Variants in MOV10L1 observed in about 807,000 individuals in gnomAD.
MOV10L1 encodes the protein Mov10 like RNA helicase 1, also known as RNA helicase Mov10l1.
In MOV10L1, 110 loss-of-function variants were observed where a neutral mutation model predicts 143.8. The ratio of observed to expected loss-of-function variants is 0.76; its 90% CI spans 0.66 to 0.90. The LOEUF (loss-of-function observed/expected upper bound fraction) is 0.90. MOV10L1 is among the 40% of genes least tolerant of loss of function. The pLI, the probability that MOV10L1 is intolerant of heterozygous loss-of-function variation, is 0.00. For missense variants in MOV10L1, 1,406 were observed against 1,526.8 expected (o/e 0.92, Z 1.32); for synonymous variants, 593 against 581.1 (o/e 1.02, Z -0.29).
chr22:50,103,207 G>A (rs149775681), intron 3 of MOV10L1, among the ~76,000 whole-genome samples: 2 of 152,350 alleles, frequency 1.3e-5, no homozygotes, highest in South Asian at 2.1e-4. Flanking sequence ...GCTGGGGCAC[G>A]TGACTGGAGG....
chr22:50,090,145 T>G lies in MOV10L1; in HGVS notation c.57T>G (p.Pro19=). ...TCTTCTGGAGGACGGCGGACACCCC[T>G]AGGGAGGAAGCCGGGCAGCTGGAGC... ...VAFFWRTADT[P]REEAGQLEPE... Residue 19 remains proline (P), a synonymous_variant, in exon 1 of 27, where the codon CCT becomes CCG. Coordinates refer to ENST00000262794, the MANE Select transcript of MOV10L1 (RefSeq NM_018995.3). 7.0e-7 allele frequency: 1 copy of G among 1,424,112 alleles called. No homozygotes were observed. Among genetic ancestry groups the G allele is most frequent in the Admixed American group, 3.2e-5 (1 of 31,744 alleles). 88.2% of individuals were successfully genotyped at this position (1,424,112 alleles called of 1,614,324 possible).
At chr22:50,091,906 A>G in intron 1 of MOV10L1, 95 bp from the exon 2 acceptor site, 1 of 1,230,814 alleles carries the variant, frequency 8.1e-7, no homozygotes, top group Admixed American at 2.4e-5. Context: ...CTGCAAAAAA[A>G]GGAGGCTTTT....
In MOV10L1 at chr22:50,099,283, G is replaced by A. The variant is rs151276464; in HGVS notation, c.283-160G>A. On this transcript the variant is annotated intron_variant, in intron 2 of 26. Transcript: ENST00000262794. The stretch of plus-strand genomic sequence containing the variant: ...TGTGAGGACACAGCAGGAAGACACC[G>A]ACGGTATACCAGGAAGAAGGCCCTC... Among the ~76,000 whole-genome samples, 827 of 152,320 alleles carry A rather than the reference G, an allele frequency of 5.4e-3. 2 individuals carry two copies. The highest frequency in any genetic ancestry group is 9.2e-3 in the Non-Finnish European group (624 of 68,028).
intron 19 of MOV10L1, among the ~76,000 whole-genome samples, chr22:50,148,263 C>T (rs1251762107): frequency 6.6e-6 from 1 of 152,218 alleles, no homozygotes; most frequent in Non-Finnish European, 1.5e-5. Flanking sequence ...CCCACTGAGG[C>T]CTCCTGACCA....
intron 13 of MOV10L1, among the ~76,000 whole-genome samples, chr22:50,130,873 A>G (rs1325264155): frequency 6.6e-6 from 1 of 152,062 alleles, no homozygotes; most frequent in Non-Finnish European, 1.5e-5. Context: ...TATTTTTCTA[A>G]TGACTAATGA....
At chr22:50,118,998 C>A (rs2062259523) in intron 9 of MOV10L1, among the ~76,000 whole-genome samples, 1 of 152,064 alleles carries the variant, frequency 6.6e-6, no homozygotes, top group Admixed American at 6.5e-5. Flanking sequence ...CAGGAAAGTC[C>A]CTCGGCTGCC....
Position 50,159,909 on chromosome 22 carries a change from G to C in MOV10L1, c.3324+124G>C. On this transcript the variant is annotated intron_variant, in intron 24 of 26. Coordinates refer to ENST00000262794, the MANE Select transcript of MOV10L1 (RefSeq NM_018995.3). This position sits in a 1 kb window ranked among gnomAD's most constrained non-coding sequence, Gnocchi z 4.1. ...GCCCAGAGAAGCAGCTGCAGGCGGA[G>C]ACTCCCTAGGTCCAGGAGCCATTGT... 1 of 649,380 alleles carries C rather than the reference G, an allele frequency of 1.5e-6. No individual in the cohort carries two copies. The highest frequency in any genetic ancestry group is 2.7e-6 in the Non-Finnish European group (1 of 370,048). 40.2% of individuals were successfully genotyped at this position (649,380 alleles called of 1,614,324 possible). A position where few individuals can be genotyped will look rare whatever the true frequency, so the allele number is the denominator to read the frequency against.
chr22:50,101,407 G>A (rs922327051), intron 3 of MOV10L1, among the ~76,000 whole-genome samples: 1 of 151,952 alleles, frequency 6.6e-6, no homozygotes, highest in East Asian at 1.9e-4. Flanking sequence ...AGTAGAGACG[G>A]GGTTTCAATG....
At chr22:50,109,684 A>G in intron 5 of MOV10L1, 1 of 229,456 alleles carries the variant, frequency 4.4e-6, no homozygotes, top group South Asian at 5.3e-5. Flanking sequence ...AAAAAAAAAA[A>G]AAAAAAAATT....
intron 2 of MOV10L1, 138 bp downstream of exon 2, chr22:50,092,323 C>G: frequency 1.3e-6 from 1 of 766,406 alleles, no homozygotes; most frequent in Non-Finnish European, 2.1e-6. Flanking sequence ...TGCTTTTGCT[C>G]TTTATGATTT....
At chr22:50,140,748 A>G (rs2062961378) in intron 15 of MOV10L1, among the ~76,000 whole-genome samples, 1 of 151,390 alleles carries the variant, frequency 6.6e-6, no homozygotes, top group African/African-American at 2.4e-5. Context: ...TTTGAGACAG[A>G]GTCTTCCTCT....
Position 50,158,234 on chromosome 22 carries a change from C to A in MOV10L1, c.3216+28C>A. ...ACGCCCTGCCCAGGCACGCCTGGTTCTGTGAGGTCCCTGCAGCCCTGCTCC... is the reference window on the plus strand; with the variant it reads ...ACGCCCTGCCCAGGCACGCCTGGTTATGTGAGGTCCCTGCAGCCCTGCTCC... On this transcript the variant is annotated intron_variant, in intron 23 of 26. Transcript: ENST00000262794. This position sits in a 1 kb window ranked among gnomAD's most constrained non-coding sequence, Gnocchi z 5.0. The A allele has an allele frequency of 6.2e-7, 1 of 1,613,434 alleles. No individual in the cohort carries two copies. Among genetic ancestry groups the A allele is most frequent in the South Asian group, 1.1e-5 (1 of 90,996 alleles).
At chr22:50,107,738 C>A (rs1569278269) in intron 3 of MOV10L1, among the ~76,000 whole-genome samples, 3 of 152,198 alleles carry the variant, frequency 2.0e-5, no homozygotes, top group Admixed American at 6.5e-5. Context: ...CCACTGAGTG[C>A]TTCCCTCACA....
chr22:50,114,591 C>T lies in MOV10L1; in HGVS notation c.1095C>T (p.Ser365=), dbSNP rs745985193. 6.2e-7 allele frequency: 1 copy of T among 1,614,104 alleles called. No homozygotes were observed. The highest frequency in any genetic ancestry group is 1.1e-5 in the South Asian group (1 of 91,074). ...TKNKTSQMSE[S]SLVNNRGISP... is the part of the protein sequence containing the mutation. ...ACAAAACCTCTCAGATGTCGGAGAG[C>T]AGTTTGGTGAACAACAGAGGAATCT... The change falls in exon 7 of 27, where the codon AGC becomes AGT. Residue 365 remains serine (S), a synonymous_variant. Transcript: ENST00000262794.
At chr22:50,105,217 T>G (rs2061838892) in intron 3 of MOV10L1, among the ~76,000 whole-genome samples, 1 of 152,232 alleles carries the variant, frequency 6.6e-6, no homozygotes, top group South Asian at 2.1e-4. Context: ...AATATATTAC[T>G]GTTCCAGCCC....
chr22:50,098,948 A>G (rs939246012), intron 2 of MOV10L1, among the ~76,000 whole-genome samples: 4 of 152,138 alleles, frequency 2.6e-5, no homozygotes, highest in African/African-American at 9.7e-5. Context: ...CCCTCATCTT[A>G]TCAATGTAAT....
chr22:50,107,124 G>T (rs1179107947), intron 3 of MOV10L1, among the ~76,000 whole-genome samples: 1 of 150,884 alleles, frequency 6.6e-6, no homozygotes, highest in Non-Finnish European at 1.5e-5. Flanking sequence ...ACCCAGGCTG[G>T]AGTGCAGTGG....
rs547293415 is a variant in MOV10L1 at position 50,121,855 on chromosome 22, GTCC to G, written c.1569+1243_1569+1245del. Among the ~76,000 whole-genome samples the G allele has an allele frequency of 2.7e-3, 415 of 152,324 alleles. 4 individuals are homozygous for G. Among genetic ancestry groups the G allele is most frequent in the African/African-American group, 9.5e-3 (396 of 41,570 alleles). On this transcript the variant is annotated intron_variant, in intron 10 of 26. Coordinates refer to ENST00000262794, the MANE Select transcript of MOV10L1 (RefSeq NM_018995.3). ...TAAGTTTTGAAATCAGGAAATTTGAGTCCTCCAGCTTTGTTGTTCTTTGGCAGA... is the reference window on the plus strand; with the variant it reads ...TAAGTTTTGAAATCAGGAAATTTGAGTCCAGCTTTGTTGTTCTTTGGCAGA...
chr22:50,104,321 C>T (rs577707729), intron 3 of MOV10L1, among the ~76,000 whole-genome samples: 3 of 152,356 alleles, frequency 2.0e-5, no homozygotes, highest in Admixed American at 6.5e-5. Context: ...TCTCCCCCAG[C>T]CTGCCCTGTG....
Sources: allele counts gnomAD v4.1 joint callset (sites outside exome capture counted in the v4.1 genomes callset), GRCh38; gene constraint gnomAD v4.1.1; non-coding constraint Gnocchi (gnomAD v3.1); transcripts MANE v1.5; gene names NCBI Gene and HGNC (gene_info 2026-07-23, HGNC 2026-07-21).